Variants in SLC24A3 observed in about 807,000 individuals in gnomAD.
SLC24A3 encodes the protein solute carrier family 24 member 3, also known as sodium/potassium/calcium exchanger 3.
Under a neutral mutation model 75.8 loss-of-function variants are expected in SLC24A3, and 28 were observed. The ratio of observed to expected loss-of-function variants is 0.37; its 90% CI spans 0.27 to 0.51. The LOEUF is 0.51. SLC24A3 is among the 20% of genes least tolerant of loss of function. The pLI is 0.94. For missense variants in SLC24A3, 663 were observed against 847.8 expected, an observed-to-expected ratio of 0.78 and a Z score of 2.71; for synonymous variants, 372 against 334.1, an observed-to-expected ratio of 1.11 and a Z score of -1.24.
intron 6 of SLC24A3, among the ~76,000 whole-genome samples, chr20:19,607,506 C>G (rs1490802103): frequency 6.6e-6 from 1 of 152,214 alleles, no homozygotes; most frequent in African/African-American, 2.4e-5. Context: ...AAGCTATGAA[C>G]TAAATTACTT....
intron 2 of SLC24A3, among the ~76,000 whole-genome samples, chr20:19,306,946 G>A (rs944991200): frequency 1.3e-5 from 2 of 152,194 alleles, no homozygotes; most frequent in Non-Finnish European, 2.9e-5. Flanking sequence ...AGAGGTTTAC[G>A]TTTCACTGAC....
chr20:19,454,520 T>C (rs1299333463), intron 2 of SLC24A3, among the ~76,000 whole-genome samples: 4 of 152,288 alleles, frequency 2.6e-5, no homozygotes, highest in Non-Finnish European at 5.9e-5. Context: ...AAAAATGTGA[T>C]TCATGGCCCA....
At chr20:19,390,987 A>G (rs775883488) in intron 2 of SLC24A3, among the ~76,000 whole-genome samples, 149 of 152,110 alleles carry the variant, frequency 9.8e-4, no homozygotes, top group Non-Finnish European at 1.8e-3. Flanking sequence ...TGGGCTCTGG[A>G]GGCTGGCCTG....
At chr20:19,578,263 CGT>C (rs61675241) in intron 3 of SLC24A3, among the ~76,000 whole-genome samples, 1 of 150,664 alleles carries the variant, frequency 6.6e-6, no homozygotes, top group Non-Finnish European at 1.5e-5. Flanking sequence ...TCATTTGGGA[CGT>C]GTGTGTGTGT....
intron 1 of SLC24A3, among the ~76,000 whole-genome samples, chr20:19,276,936 C>G (rs1056930387): frequency 3.9e-5 from 6 of 152,076 alleles, no homozygotes; most frequent in African/African-American, 1.4e-4. Flanking sequence ...TATATGCCCT[C>G]CGACGCTGAC....
intron 2 of SLC24A3, among the ~76,000 whole-genome samples, chr20:19,386,556 T>A (rs1416378885): frequency 6.6e-5 from 10 of 152,202 alleles, no homozygotes. Flanking sequence ...GGGTTTCTCA[T>A]AAGTGATCTT....
intron 3 of SLC24A3, among the ~76,000 whole-genome samples, chr20:19,561,020 A>G (rs2030866914): frequency 6.6e-6 from 1 of 152,210 alleles, no homozygotes; most frequent in Non-Finnish European, 1.5e-5. Flanking sequence ...TCTCCAGACT[A>G]TCTCACTGTG....
chr20:19,566,603 T>G (rs1011148479), intron 3 of SLC24A3, among the ~76,000 whole-genome samples: 3 of 152,234 alleles, frequency 2.0e-5, no homozygotes, highest in African/African-American at 7.2e-5. Context: ...GGTAATACTT[T>G]GAAAAGGAAG....
At chr20:19,698,960 C>T (rs2032842211) in intron 15 of SLC24A3, among the ~76,000 whole-genome samples, 2 of 152,226 alleles carry the variant, frequency 1.3e-5, no homozygotes. Context: ...TTCAGCTTTG[C>T]TGCTGTAGCA....
intron 2 of SLC24A3, among the ~76,000 whole-genome samples, chr20:19,346,063 CTATATATATATA>C (rs763603062): frequency 0.035 from 754 of 21,246 alleles, 31 homozygotes; most frequent in Middle Eastern, 0.12. Context: ...ATAAAGAAAA[CTATATATATATA>C]TATATATATA....
chr20:19,513,623 T>C (rs1050698387), intron 2 of SLC24A3, among the ~76,000 whole-genome samples: 26 of 152,122 alleles, frequency 1.7e-4, no homozygotes, highest in African/African-American at 6.3e-4. Context: ...AGAAAAATCC[T>C]CCCATAATCA....
At chr20:19,330,185 GGC>G (rs918581419) in intron 2 of SLC24A3, among the ~76,000 whole-genome samples, 4 of 152,168 alleles carry the variant, frequency 2.6e-5, no homozygotes, top group African/African-American at 9.7e-5. Flanking sequence ...GTTGTCTCCT[GGC>G]CAGAGGTTTC....
chr20:19,316,371 C>T (rs1231075721), intron 2 of SLC24A3, among the ~76,000 whole-genome samples: 1 of 152,126 alleles, frequency 6.6e-6, no homozygotes, highest in Non-Finnish European at 1.5e-5. Context: ...CATAAAAGGC[C>T]AAGGAAGGCA....
At chr20:19,380,522 G>A (rs1986162970) in intron 2 of SLC24A3, among the ~76,000 whole-genome samples, 1 of 152,176 alleles carries the variant, frequency 6.6e-6, no homozygotes, top group Non-Finnish European at 1.5e-5. Flanking sequence ...GCTGTGGACT[G>A]GAAGGGGGAA....
At chr20:19,529,135 T>A (rs1424713035) in intron 3 of SLC24A3, among the ~76,000 whole-genome samples, 1 of 152,206 alleles carries the variant, frequency 6.6e-6, no homozygotes, top group Non-Finnish European at 1.5e-5. Flanking sequence ...TGATTCTGAA[T>A]AAATGTACAT....
chr20:19,706,121 CA>C (rs2032927147), intron 15 of SLC24A3, among the ~76,000 whole-genome samples: 1 of 152,120 alleles, frequency 6.6e-6, no homozygotes, highest in Non-Finnish European at 1.5e-5. Context: ...AGCAAGAGAC[CA>C]CCAGAGTCCA....
At chr20:19,412,333 T>C (rs1048489863) in intron 2 of SLC24A3, among the ~76,000 whole-genome samples, 6 of 152,002 alleles carry the variant, frequency 3.9e-5, no homozygotes. Context: ...AGGATAAAGA[T>C]GGGAAAGTCA....
At chr20:19,482,356 T>C (rs1207006541) in intron 2 of SLC24A3, among the ~76,000 whole-genome samples, 1 of 152,138 alleles carries the variant, frequency 6.6e-6, no homozygotes, top group Non-Finnish European at 1.5e-5. Context: ...TCTGGGCTTT[T>C]CCTCTTCCTG....
At chr20:19,269,071 T>C (rs1983249658) in intron 1 of SLC24A3, among the ~76,000 whole-genome samples, 1 of 152,238 alleles carries the variant, frequency 6.6e-6, no homozygotes, top group Non-Finnish European at 1.5e-5. Flanking sequence ...ATAAGGCCAG[T>C]CCTTAGTTTA....
Sources: gnomAD v4.1 joint callset for allele counts (sites outside exome capture counted in the v4.1 genomes callset) on GRCh38, gnomAD v4.1.1 for gene constraint, MANE v1.5 for transcripts, NCBI Gene and HGNC (gene_info 2026-07-23, HGNC 2026-07-21) for gene names.